Variants in SPIRE1 observed in about 807,000 individuals in gnomAD.
The protein encoded by SPIRE1 is protein spire homolog 1.
SPIRE1 carries 40 observed loss-of-function variants against 94.1 expected under a neutral mutation model. The observed-to-expected ratio is 0.43, with a 90% CI of 0.33 to 0.55. The LOEUF (loss-of-function observed/expected upper bound fraction) is 0.55, where lower values mean the gene tolerates loss of function less well. Ranked by LOEUF, SPIRE1 falls within the 20% of genes least tolerant of loss-of-function variation. The probability of loss-of-function intolerance (pLI) is 0.06; values close to 1 mark genes in which losing one functional copy is unlikely to be tolerated. For synonymous variants in SPIRE1, 376 were observed against 371.7 expected, an observed-to-expected ratio of 1.01 and a Z score of -0.13; for missense variants, 838 against 975.2, an observed-to-expected ratio of 0.86 and a Z score of 1.87.
intron 4 of SPIRE1, among the ~76,000 whole-genome samples, chr18:12,519,873 T>C (rs1345110975): frequency 6.6e-6 from 1 of 152,204 alleles, no homozygotes; most frequent in Admixed American, 6.5e-5. Flanking sequence ...AGGACAATAG[T>C]GTAATATTTT....
At chr18:12,461,456 A>ATGTACGTATGTATATACATACATGTG (rs2031814640) in intron 12 of SPIRE1, among the ~76,000 whole-genome samples, 1 of 114,762 alleles carries the variant, frequency 8.7e-6, no homozygotes, top group African/African-American at 5.9e-5. Flanking sequence ...ACATGTGTGT[A>ATGTACGTATGTATATACATACATGTG]TGTATGTACA....
intron 2 of SPIRE1, among the ~76,000 whole-genome samples, chr18:12,547,446 T>C (rs1162505523): frequency 6.6e-6 from 1 of 152,164 alleles, no homozygotes; most frequent in Non-Finnish European, 1.5e-5. Context: ...TCAATATTAC[T>C]GCCGGGCAAA....
chr18:12,500,545 C>G (rs186956295), intron 6 of SPIRE1, among the ~76,000 whole-genome samples: 2 of 152,114 alleles, frequency 1.3e-5, no homozygotes, highest in Non-Finnish European at 2.9e-5. Context: ...CTGTGGAACA[C>G]GGTTTGGTAG....
At chr18:12,533,925 AATCC>A (rs1567914823) in intron 4 of SPIRE1, among the ~76,000 whole-genome samples, 3 of 136,022 alleles carry the variant, frequency 2.2e-5, no homozygotes, top group Non-Finnish European at 3.1e-5. Context: ...GAGAACAGCT[AATCC>A]ATTACACACA....
intron 2 of SPIRE1, among the ~76,000 whole-genome samples, chr18:12,608,289 G>C (rs2144672651): frequency 6.6e-6 from 1 of 151,760 alleles, no homozygotes; most frequent in South Asian, 2.1e-4. Context: ...TTGTTCTTCA[G>C]ATCATATTCT....
Position 12,485,227 on chromosome 18 carries a change from C to G in SPIRE1, c.1231+732G>C, listed in dbSNP as rs576668176. On this transcript the variant is annotated intron_variant, in intron 9 of 16. Coordinates refer to ENST00000409402, the MANE Select transcript of SPIRE1 (RefSeq NM_001128626.2). ...TCAAGCAATTCTCCTGCCTCAGCCT[C>G]CCAAGCAGCTGGGACTACAGGTGTG... Among the ~76,000 whole-genome samples the G allele has an allele frequency of 2.0e-5, 3 of 151,876 alleles. No individual in the cohort carries two copies. In the East Asian group the frequency reaches 5.8e-4, roughly 30 times the overall value.
intron 16 of SPIRE1, chr18:12,450,846 A>T: frequency 1.4e-6 from 1 of 736,420 alleles, no homozygotes; most frequent in Non-Finnish European, 2.5e-6. Context: ...AATAACTTAA[A>T]TGACAGTGAA....
intron 2 of SPIRE1, among the ~76,000 whole-genome samples, chr18:12,628,724 G>A (rs1458075584): frequency 6.6e-6 from 1 of 151,970 alleles, no homozygotes; most frequent in Non-Finnish European, 1.5e-5. Flanking sequence ...CTCTTATTTT[G>A]TTGAGCAGTG....
intron 3 of SPIRE1, among the ~76,000 whole-genome samples, chr18:12,538,524 C>T (rs2034909091): frequency 6.6e-6 from 1 of 152,228 alleles, no homozygotes; most frequent in East Asian, 1.9e-4. Flanking sequence ...ACTGTAGCTG[C>T]CCTTGTCTAG....
At chr18:12,509,929 A>G (rs578030437) in intron 5 of SPIRE1, among the ~76,000 whole-genome samples, 2 of 152,058 alleles carry the variant, frequency 1.3e-5, no homozygotes, top group Non-Finnish European at 2.9e-5. Context: ...TACTAAAAAT[A>G]CAAAAATTAG....
intron 4 of SPIRE1, among the ~76,000 whole-genome samples, chr18:12,519,624 A>C (rs1383289321): frequency 6.6e-6 from 1 of 152,252 alleles, no homozygotes; most frequent in Non-Finnish European, 1.5e-5. Flanking sequence ...AAATAAAGAC[A>C]AATTAATAAG....
chr18:12,604,367 G>A (rs562812475), intron 2 of SPIRE1, among the ~76,000 whole-genome samples: 104 of 152,182 alleles, frequency 6.8e-4, no homozygotes, highest in Non-Finnish European at 1.3e-3. Context: ...CAGAGAACTG[G>A]CTGCTGGTAG....
chr18:12,483,399 TA>T (rs59185805), intron 9 of SPIRE1, among the ~76,000 whole-genome samples: 6,889 of 151,340 alleles, frequency 0.046, 177 homozygotes, highest in South Asian at 0.092. Context: ...TGGCATTTCT[TA>T]AAAAAAAACT....
chr18:12,480,793 C>T lies in SPIRE1; in HGVS notation c.1232-922G>A, dbSNP rs73403724. On this transcript the variant is annotated intron_variant, in intron 9 of 16. Transcript: ENST00000409402. The stretch of plus-strand genomic sequence containing the variant: ...CAAGGCAAATGGAACTACTTTTCTT[C>T]AGTATTTCAAATGAAGAGTTAAAAA... Among the ~76,000 whole-genome samples, 637 of 152,250 alleles carry T rather than the reference C, an allele frequency of 4.2e-3. 5 individuals carry two copies. Among genetic ancestry groups the T allele is most frequent in the African/African-American group, 0.015 (615 of 41,544 alleles).
intron 8 of SPIRE1, among the ~76,000 whole-genome samples, chr18:12,487,354 T>TC (rs2033074266): frequency 6.6e-6 from 1 of 151,602 alleles, no homozygotes; most frequent in Non-Finnish European, 1.5e-5. Context: ...GGCATATGTC[T>TC]CCCCCTCAGA....
chr18:12,661,115 C>G (rs1276729455), upstream of SPIRE1, among the ~76,000 whole-genome samples: 1 of 152,094 alleles, frequency 6.6e-6, no homozygotes, highest in Non-Finnish European at 1.5e-5. Flanking sequence ...CGAGACCAGC[C>G]TGGCCAACAT....
At chr18:12,658,434 C>A, upstream of SPIRE1, 1 of 402,736 alleles carries the variant, frequency 2.5e-6, no homozygotes, top group South Asian at 1.8e-5. Context: ...GGGCCGGGCG[C>A]GCGGTCGGGG....
At chr18:12,487,402 C>CTT (rs35743856) in intron 8 of SPIRE1, among the ~76,000 whole-genome samples, 115 of 132,674 alleles carry the variant, frequency 8.7e-4, no homozygotes, top group Non-Finnish European at 1.6e-3. Flanking sequence ...TATTTTCTTT[C>CTT]TTTTTTTTTT....
At chr18:12,639,584 T>C (rs760302870) in intron 1 of SPIRE1, among the ~76,000 whole-genome samples, 20 of 152,088 alleles carry the variant, frequency 1.3e-4, no homozygotes, top group African/African-American at 4.3e-4. Context: ...ATACAAAAAT[T>C]AGCTGTGCAT....
Sources: gnomAD v4.1 joint callset for allele counts (sites outside exome capture counted in the v4.1 genomes callset) on GRCh38, gnomAD v4.1.1 for gene constraint, MANE v1.5 for transcripts, NCBI Gene and HGNC (gene_info 2026-07-23, HGNC 2026-07-21) for gene names.